Variants in HNF4G observed in about 807,000 individuals in gnomAD.
HNF4G encodes the protein hepatocyte nuclear factor 4 gamma.
HNF4G carries 21 observed loss-of-function variants against 50.9 expected under a neutral mutation model. The ratio of observed to expected loss-of-function variants is 0.41; its 90% CI spans 0.29 to 0.59. HNF4G has a LOEUF of 0.59. Ranked by LOEUF, HNF4G falls within the 20% of genes least tolerant of loss-of-function variation. The pLI, the probability that HNF4G is intolerant of heterozygous loss-of-function variation, is 0.26. For missense variants in HNF4G, 527 were observed against 559.4 expected (o/e 0.94, Z 0.58); for synonymous variants, 198 against 185.6 (o/e 1.07, Z -0.54).
chr8:75,466,629 CTT>C (rs1811990572), intron 1 of HNF4G, among the ~76,000 whole-genome samples: 19 of 58,186 alleles, frequency 3.3e-4, no homozygotes, highest in South Asian at 1.1e-3. Flanking sequence ...TCCTTCCTTC[CTT>C]CCTTCTCCCT....
At chr8:75,540,190 A>AG in intron 1 of HNF4G, 110 bp downstream of exon 1, 1 of 642,466 alleles carries the variant, frequency 1.6e-6, no homozygotes. Flanking sequence ...TGGAGAGTTT[A>AG]GGGCTTGCTT....
chr8:75,563,601 A>C (rs1807379944), intron 9 of HNF4G, among the ~76,000 whole-genome samples: 1 of 152,174 alleles, frequency 6.6e-6, no homozygotes, highest in Non-Finnish European at 1.5e-5. Context: ...AAAAAATATA[A>C]ACATTGTTTT....
chr8:75,525,948 T>G (rs1806166948), intron 2 of HNF4G, among the ~76,000 whole-genome samples: 1 of 152,030 alleles, frequency 6.6e-6, no homozygotes, highest in East Asian at 1.9e-4. Flanking sequence ...AAAGGATGAA[T>G]CAGAAGCATA....
In HNF4G at chr8:75,558,792, C is replaced by T. The variant is rs772916081; in HGVS notation, c.887-9C>T. 1 of 1,610,208 alleles carries T rather than the reference C, an allele frequency of 6.2e-7. No homozygotes were observed. The highest frequency in any genetic ancestry group is 8.5e-7 in the Non-Finnish European group (1 of 1,176,572). On this transcript the variant is annotated splice_polypyrimidine_tract_variant and intron_variant, in intron 7 of 9. Transcript: ENST00000396423. ...AATCTGTACACTGCCTCTCTTATTCCTTTGTTAGATGCAAAAGGGCTAAGC... is the reference window on the plus strand; with the variant it reads ...AATCTGTACACTGCCTCTCTTATTCTTTTGTTAGATGCAAAAGGGCTAAGC...
intron 1 of HNF4G, among the ~76,000 whole-genome samples, chr8:75,478,436 T>A (rs1293579367): frequency 1.3e-5 from 2 of 152,212 alleles, no homozygotes; most frequent in African/African-American, 4.8e-5. Context: ...AAAATTCAGT[T>A]TTTTGTACAG....
intron 2 of HNF4G, among the ~76,000 whole-genome samples, chr8:75,505,396 T>C (rs562845867): frequency 6.6e-6 from 1 of 152,268 alleles, no homozygotes; most frequent in East Asian, 1.9e-4. Context: ...GCAAATGAAT[T>C]TGGAATTGTC....
intron 1 of HNF4G, among the ~76,000 whole-genome samples, chr8:75,430,333 A>G (rs1810981501): frequency 6.6e-6 from 1 of 152,098 alleles, no homozygotes; most frequent in Admixed American, 6.6e-5. Context: ...GATTTACAAG[A>G]CCATTTTTTG....
intron 1 of HNF4G, among the ~76,000 whole-genome samples, chr8:75,488,059 A>G (rs760137125): frequency 6.6e-6 from 1 of 152,196 alleles, no homozygotes; most frequent in African/African-American, 2.4e-5. Context: ...GATCCCTCCC[A>G]TGACATGTGG....
At chr8:75,520,284 G>A (rs539897494) in intron 2 of HNF4G, among the ~76,000 whole-genome samples, 22 of 151,930 alleles carry the variant, frequency 1.4e-4, no homozygotes, top group African/African-American at 5.1e-4. Flanking sequence ...CTCAATAGTA[G>A]TTATGATATA....
intron 1 of HNF4G, among the ~76,000 whole-genome samples, chr8:75,477,867 T>C (rs2130648986): frequency 6.6e-6 from 1 of 152,150 alleles, no homozygotes; most frequent in East Asian, 1.9e-4. Flanking sequence ...CTTGGAAGGC[T>C]GAGGCAGGAG....
chr8:75,445,131 A>T (rs1355127709), intron 1 of HNF4G, among the ~76,000 whole-genome samples: 1 of 142,600 alleles, frequency 7.0e-6, no homozygotes, highest in Admixed American at 7.1e-5. Flanking sequence ...AATCTCACTC[A>T]AAGCGGCTCA....
upstream of HNF4G, among the ~76,000 whole-genome samples, chr8:75,535,461 C>G (rs1806438859): frequency 6.6e-6 from 1 of 151,630 alleles, no homozygotes. Flanking sequence ...CCTGCTTACA[C>G]TGAAAAATAC....
intron 1 of HNF4G, among the ~76,000 whole-genome samples, chr8:75,438,761 C>A (rs543823595): frequency 6.6e-6 from 1 of 152,068 alleles, no homozygotes; most frequent in Non-Finnish European, 1.5e-5. Flanking sequence ...CTCACACTCT[C>A]GTTATCTCTT....
intron 2 of HNF4G, among the ~76,000 whole-genome samples, chr8:75,504,256 C>CACAG (rs1813010376): frequency 6.7e-6 from 1 of 148,990 alleles, no homozygotes; most frequent in Non-Finnish European, 1.5e-5. Context: ...CACACACACA[C>CACAG]ACACACACAC....
At chr8:75,475,217 C>A (rs1812215016) in intron 1 of HNF4G, among the ~76,000 whole-genome samples, 1 of 151,534 alleles carries the variant, frequency 6.6e-6, no homozygotes, top group Non-Finnish European at 1.5e-5. Flanking sequence ...ACCATGTTGG[C>A]CAGGATGGTC....
At chr8:75,464,877 A>G (rs1811931145) in intron 1 of HNF4G, among the ~76,000 whole-genome samples, 1 of 152,208 alleles carries the variant, frequency 6.6e-6, no homozygotes, top group Non-Finnish European at 1.5e-5. Context: ...TGGACAGAGA[A>G]TTCACTAATG....
intron 1 of HNF4G, among the ~76,000 whole-genome samples, chr8:75,410,955 T>C (rs1810486304): frequency 6.6e-6 from 1 of 152,230 alleles, no homozygotes; most frequent in Non-Finnish European, 1.5e-5. Flanking sequence ...GTAATTCTTA[T>C]TGAATACTTA....
At chr8:75,431,085 T>A (rs1310810918) in intron 1 of HNF4G, among the ~76,000 whole-genome samples, 2 of 152,116 alleles carry the variant, frequency 1.3e-5, no homozygotes, top group African/African-American at 2.4e-5. Context: ...ATTTATTGTA[T>A]GTGTTATACA....
chr8:75,469,244 C>T (rs1003380764), intron 1 of HNF4G, among the ~76,000 whole-genome samples: 20 of 152,124 alleles, frequency 1.3e-4, no homozygotes, highest in Non-Finnish European at 5.9e-5. Flanking sequence ...TTTCCTTAGT[C>T]AAAGCGGTTT....
Sources: allele counts gnomAD v4.1 joint callset (sites outside exome capture counted in the v4.1 genomes callset), GRCh38; gene constraint gnomAD v4.1.1; transcripts MANE v1.5; gene names NCBI Gene and HGNC (gene_info 2026-07-23, HGNC 2026-07-21).